The following DOCK8 variants were observed in gnomAD, a reference collection of about 807,000 sequenced individuals.
The protein encoded by DOCK8 is dedicator of cytokinesis protein 8.
DOCK8 carries 141 observed loss-of-function variants against 245.6 expected under a neutral mutation model. The observed-to-expected ratio is 0.57, with a 90% CI of 0.50 to 0.66. The LOEUF (loss-of-function observed/expected upper bound fraction) is 0.66. DOCK8 is among the 30% of genes least tolerant of loss of function. The probability of loss-of-function intolerance (pLI) is 0.00; values close to 1 mark genes in which losing one functional copy is unlikely to be tolerated. For missense variants in DOCK8, 2,965 were observed against 2,603.4 expected, an observed-to-expected ratio of 1.14 and a Z score of -3.02; for synonymous variants, 1,168 against 970.2, an observed-to-expected ratio of 1.20 and a Z score of -3.79.
intron 12 of DOCK8, 145 bp downstream of exon 12, chr9:336,863 G>C: frequency 1.9e-6 from 2 of 1,050,988 alleles, no homozygotes; most frequent in Non-Finnish European, 2.9e-6. Context: ...TTATAATAGA[G>C]TATCTGAAAC....
At chr9:251,998 G>A (rs1328854774) in intron 1 of DOCK8, among the ~76,000 whole-genome samples, 3 of 146,532 alleles carry the variant, frequency 2.0e-5, no homozygotes, top group African/African-American at 7.6e-5. Context: ...TTTTGAGATG[G>A]AGTCTTGCTC....
intron 43 of DOCK8, among the ~76,000 whole-genome samples, chr9:445,832 G>T (rs2131838876): frequency 6.6e-6 from 1 of 152,314 alleles, no homozygotes; most frequent in East Asian, 1.9e-4. Context: ...ACATAGGAGT[G>T]GGGTTGCTGG....
intron 26 of DOCK8, among the ~76,000 whole-genome samples, chr9:399,500 G>C (rs575143560): frequency 1.3e-5 from 2 of 149,206 alleles, no homozygotes; most frequent in Admixed American, 1.3e-4. Context: ...TTCATCTGTG[G>C]GAATTAAAAT....
intron 46 of DOCK8, among the ~76,000 whole-genome samples, chr9:461,527 A>AT (rs530827485): frequency 0.024 from 1,593 of 67,282 alleles, 515 homozygotes; most frequent in African/African-American, 0.048. Flanking sequence ...TAGCAACTGC[A>AT]TTTTTTTTTT....
At chr9:241,584 C>T (rs1377316493) in intron 1 of DOCK8, among the ~76,000 whole-genome samples, 2 of 152,112 alleles carry the variant, frequency 1.3e-5, no homozygotes, top group Admixed American at 6.5e-5. Flanking sequence ...GATACCATTC[C>T]AGTGTGTATC....
intron 1 of DOCK8, among the ~76,000 whole-genome samples, chr9:247,608 A>C (rs978257958): frequency 2.0e-5 from 3 of 152,056 alleles, no homozygotes; most frequent in Non-Finnish European, 4.4e-5. Flanking sequence ...ATCTCGGCTC[A>C]CTGCAAGCTC....
intron 11 of DOCK8, among the ~76,000 whole-genome samples, chr9:335,211 A>G (rs1019572306): frequency 5.9e-5 from 9 of 152,160 alleles, no homozygotes; most frequent in African/African-American, 2.2e-4. Flanking sequence ...TATTTAGCAT[A>G]TTTCTTTTTC....
chr9:324,811 C>T (rs2050684521), intron 7 of DOCK8, among the ~76,000 whole-genome samples: 1 of 152,178 alleles, frequency 6.6e-6, no homozygotes, highest in East Asian at 1.9e-4. Flanking sequence ...TTGAATAATA[C>T]AGATTCTATC....
intron 5 of DOCK8, among the ~76,000 whole-genome samples, chr9:307,346 T>TG (rs1563903463): frequency 5.6e-4 from 4 of 7,132 alleles, no homozygotes; most frequent in South Asian, 5.1e-3. Flanking sequence ...TTGTTTTTTT[T>TG]TTTTTTTTTT....
At chr9:238,076 C>T (rs1352577155) in intron 1 of DOCK8, among the ~76,000 whole-genome samples, 1 of 152,148 alleles carries the variant, frequency 6.6e-6, no homozygotes, top group African/African-American at 2.4e-5. Context: ...GTTGACTCCT[C>T]TTGTTTTATT....
chr9:288,906 T>C (rs1233667381), intron 3 of DOCK8, among the ~76,000 whole-genome samples: 1 of 152,224 alleles, frequency 6.6e-6, no homozygotes, highest in Non-Finnish European at 1.5e-5. Context: ...CTAATGCATT[T>C]GCAACAATAG....
At chr9:263,228 G>C (rs1305641447) in intron 1 of DOCK8, among the ~76,000 whole-genome samples, 1 of 150,494 alleles carries the variant, frequency 6.6e-6, no homozygotes, top group African/African-American at 2.4e-5. Flanking sequence ...AAAAAAACCT[G>C]ATATATTTGG....
chr9:241,778 A>G (rs1259894253), intron 1 of DOCK8, among the ~76,000 whole-genome samples: 1 of 152,188 alleles, frequency 6.6e-6, no homozygotes, highest in Non-Finnish European at 1.5e-5. Flanking sequence ...TCTAATTAGC[A>G]AATTCTATAT....
chr9:419,759 G>C (rs569741154), intron 30 of DOCK8, among the ~76,000 whole-genome samples: 1 of 152,294 alleles, frequency 6.6e-6, no homozygotes, highest in South Asian at 2.1e-4. Context: ...ACTTTAAAAT[G>C]AATACTTGTG....
Position 259,351 on chromosome 9 carries a change from T to G in DOCK8, c.54-12276T>G, listed in dbSNP as rs147741609. Among the ~76,000 whole-genome samples, 76 of 152,282 alleles carry G rather than the reference T, an allele frequency of 5.0e-4. 1 individual carries two copies. The East Asian group carries it at 0.014, about 28-fold the overall frequency. The stretch of plus-strand genomic sequence containing the variant: ...CCCACCTCTCTAACATAACTGTGAA[T>G]AGTAGTATTTCCTTCTAGTTTTTAA... On this transcript the variant is annotated intron_variant, in intron 1 of 47. Coordinates refer to ENST00000432829, the MANE Select transcript of DOCK8 (RefSeq NM_203447.4).
chr9:222,085 C>T (rs1207936280), intron 1 of DOCK8, among the ~76,000 whole-genome samples: 1 of 151,822 alleles, frequency 6.6e-6, no homozygotes, highest in Non-Finnish European at 1.5e-5. Context: ...CATAGTGAGA[C>T]ACCAGCTCTA....
rs367567088 is a variant in DOCK8 at position 407,050 on chromosome 9, C to G, written c.3511C>G (p.Leu1171Val). Residue 1171 changes from leucine (L) to valine (V), a missense_variant, in exon 28 of 48, where the codon CTG becomes GTG. Leu to Val is a conservative substitution (Grantham distance 32). Transcript: ENST00000432829. Reference sequence around the variant, plus strand: ...CCTCTTCACAGAACTGGCTGCTGCCCTGGATGCCGAAGGGGAAGGGTATGT... The same window carrying G: ...CCTCTTCACAGAACTGGCTGCTGCCGTGGATGCCGAAGGGGAAGGGTATGT... ...GLLFTELAAALDAEGEGISKV... is the reference protein window; with the variant it reads ...GLLFTELAAAVDAEGEGISKV... The G allele has an allele frequency of 7.4e-6, 12 of 1,613,988 alleles. No individual in the cohort carries two copies. Among genetic ancestry groups the G allele is most frequent in the Non-Finnish European group, 1.0e-5 (12 of 1,180,022 alleles).
At chr9:427,359 C>T (rs887196834) in intron 34 of DOCK8, among the ~76,000 whole-genome samples, 5 of 152,154 alleles carry the variant, frequency 3.3e-5, no homozygotes, top group African/African-American at 9.7e-5. Context: ...ATGATGGTCA[C>T]TGTCTGATAT....
At chr9:422,939 C>T (rs112880535) in intron 33 of DOCK8, among the ~76,000 whole-genome samples, 1 of 147,866 alleles carries the variant, frequency 6.8e-6, no homozygotes, top group Non-Finnish European at 1.5e-5. Context: ...GAGCCAAGAT[C>T]GTGCCATTGC....
Sources: allele counts gnomAD v4.1 joint callset (sites outside exome capture counted in the v4.1 genomes callset), GRCh38; gene constraint gnomAD v4.1.1; transcripts MANE v1.5; gene names NCBI Gene and HGNC (gene_info 2026-07-23, HGNC 2026-07-21).